Variants in EPHA6 observed in about 807,000 individuals in gnomAD.
EPHA6 encodes the protein ephrin type-A receptor 6.
In EPHA6, 50 loss-of-function variants were observed where a neutral mutation model predicts 112.0. The ratio of observed to expected loss-of-function variants is 0.45; its 90% CI spans 0.36 to 0.56. The LOEUF is 0.56. Among genes scored for constraint, EPHA6 ranks in the 20% least tolerant of loss-of-function variants. The pLI, the probability that EPHA6 is intolerant of heterozygous loss-of-function variation, is 0.00. For synonymous variants in EPHA6, 529 were observed against 490.7 expected, an observed-to-expected ratio of 1.08 and a Z score of -1.03; for missense variants, 1,280 against 1,417.4, an observed-to-expected ratio of 0.90 and a Z score of 1.56.
intron 3 of EPHA6, among the ~76,000 whole-genome samples, chr3:97,155,436 T>C (rs1377411532): frequency 6.6e-6 from 1 of 152,200 alleles, no homozygotes; most frequent in East Asian, 1.9e-4. Context: ...ATAATGAATA[T>C]TGCTAAATAC....
intron 3 of EPHA6, among the ~76,000 whole-genome samples, chr3:97,094,080 A>C (rs2047161533): frequency 6.6e-6 from 1 of 152,140 alleles, no homozygotes; most frequent in Non-Finnish European, 1.5e-5. Flanking sequence ...TACTAGTCAC[A>C]ATATAAGGAG....
intron 5 of EPHA6, among the ~76,000 whole-genome samples, chr3:97,279,517 G>A (rs2080215782): frequency 1.3e-5 from 2 of 151,606 alleles, no homozygotes; most frequent in African/African-American, 4.8e-5. Flanking sequence ...AAAAAAGCAG[G>A]TCAGAGCAAG....
intron 11 of EPHA6, among the ~76,000 whole-genome samples, chr3:97,554,079 T>G (rs1296511806): frequency 6.6e-6 from 1 of 152,192 alleles, no homozygotes; most frequent in African/African-American, 2.4e-5. Context: ...GCCATGGTTG[T>G]GTTGTTCATT....
intron 3 of EPHA6, among the ~76,000 whole-genome samples, chr3:97,176,860 T>C (rs2076850149): frequency 6.6e-6 from 1 of 151,782 alleles, no homozygotes; most frequent in South Asian, 2.1e-4. Flanking sequence ...ATTGATCTTT[T>C]GTATTTTTTT....
rs188175605 is a variant in EPHA6 at position 96,988,680 on chromosome 3, A to C, written c.1114+687A>C. Among the ~76,000 whole-genome samples the C allele has an allele frequency of 8.7e-4, 133 of 152,206 alleles. 1 individual carries two copies. Among genetic ancestry groups the C allele is most frequent in the African/African-American group, 3.0e-3 (126 of 41,550 alleles). ...ATATTGACCTGATCAGAGCTTAATTAATCTTTTGCTATTATTACATAGAAT... is the reference window on the plus strand; with the variant it reads ...ATATTGACCTGATCAGAGCTTAATTCATCTTTTGCTATTATTACATAGAAT... On this transcript the variant is annotated intron_variant, in intron 3 of 17. Transcript: ENST00000389672.
At chr3:96,856,736 A>G (rs931066852) in intron 1 of EPHA6, among the ~76,000 whole-genome samples, 1 of 152,138 alleles carries the variant, frequency 6.6e-6, no homozygotes, top group South Asian at 2.1e-4. Context: ...GGATTTTTAA[A>G]AAGTAAAACA....
In EPHA6 at chr3:97,506,137, T is replaced by C. The variant is rs541937111; in HGVS notation, c.2200+22078T>C. 1.1e-4 allele frequency among the ~76,000 whole-genome samples: 16 copies of C among 152,340 alleles called. No homozygotes were observed. In the South Asian group the frequency reaches 3.1e-3, roughly 30 times the overall value. On this transcript the variant is annotated intron_variant, in intron 10 of 17. Coordinates refer to ENST00000389672, the MANE Select transcript of EPHA6 (RefSeq NM_001080448.3). The stretch of plus-strand genomic sequence containing the variant: ...ATTTTCTCCCATTCCATAGGTTGCC[T>C]GTTCACTCTGATGATAGTTTCTTTG...
chr3:97,232,479 C>T (rs2078557690), intron 4 of EPHA6, among the ~76,000 whole-genome samples: 1 of 152,200 alleles, frequency 6.6e-6, no homozygotes, highest in Non-Finnish European at 1.5e-5. Flanking sequence ...TAATAATATA[C>T]TGAATGCCTA....
intron 11 of EPHA6, among the ~76,000 whole-genome samples, chr3:97,538,066 T>C (rs1263730460): frequency 1.3e-5 from 2 of 152,218 alleles, no homozygotes; most frequent in African/African-American, 4.8e-5. Context: ...TACATACTTT[T>C]GTTTTAAGAA....
chr3:97,413,701 C>G (rs1050949576), intron 6 of EPHA6, among the ~76,000 whole-genome samples: 1 of 151,904 alleles, frequency 6.6e-6, no homozygotes, highest in Admixed American at 6.6e-5. Context: ...CCCTTTGGCA[C>G]GGTGAGTTTG....
chr3:97,153,301 G>A (rs765000234), intron 3 of EPHA6, among the ~76,000 whole-genome samples: 3 of 151,908 alleles, frequency 2.0e-5, no homozygotes, highest in Non-Finnish European at 2.9e-5. Flanking sequence ...GATTAGAAAT[G>A]TAATTCTGGT....
chr3:97,755,969 C>G lies in EPHA6; in HGVS notation c.*7268C>G, dbSNP rs2036015690. On this transcript the variant is annotated 3_prime_UTR_variant, in exon 18 of 18. Transcript: ENST00000389672. ...CCACTGCTTTTATAATTAAAAATCTCTTTCCTACCTTTAGTAATTTGTAGG... is the reference window on the plus strand; with the variant it reads ...CCACTGCTTTTATAATTAAAAATCTGTTTCCTACCTTTAGTAATTTGTAGG... Among the ~76,000 whole-genome samples the G allele has an allele frequency of 6.6e-6, 1 of 152,010 alleles. No individual in the cohort carries two copies. Among genetic ancestry groups the G allele is most frequent in the African/African-American group, 2.4e-5 (1 of 41,446 alleles).
intron 3 of EPHA6, among the ~76,000 whole-genome samples, chr3:97,153,122 A>G (rs62265081): frequency 0.066 from 10,091 of 152,188 alleles, 382 homozygotes; most frequent in Middle Eastern, 0.14. Flanking sequence ...TATATTGTAT[A>G]TATTGTGTAC....
chr3:97,408,417 C>T (rs1246883197), intron 6 of EPHA6, among the ~76,000 whole-genome samples: 1 of 151,950 alleles, frequency 6.6e-6, no homozygotes, highest in African/African-American at 2.4e-5. Context: ...TCTTCTCCTC[C>T]CTACTTTTCC....
At chr3:97,582,050 T>C (rs970895982) in intron 11 of EPHA6, among the ~76,000 whole-genome samples, 3 of 151,950 alleles carry the variant, frequency 2.0e-5, no homozygotes, top group Non-Finnish European at 4.4e-5. Flanking sequence ...TGAGACAGAG[T>C]TTTGCTCTTG....
At chr3:96,879,315 CAA>C (rs1221253228) in intron 2 of EPHA6, among the ~76,000 whole-genome samples, 1 of 151,878 alleles carries the variant, frequency 6.6e-6, no homozygotes, top group Non-Finnish European at 1.5e-5. Flanking sequence ...CATAAACAAA[CAA>C]AAAATAAAAA....
At chr3:97,424,128 C>T (rs943486488) in intron 6 of EPHA6, among the ~76,000 whole-genome samples, 1 of 152,218 alleles carries the variant, frequency 6.6e-6, no homozygotes, top group African/African-American at 2.4e-5. Flanking sequence ...TTATGTCTTA[C>T]ATGGCAGCAG....
chr3:97,372,555 A>G (rs1024565304), intron 5 of EPHA6, among the ~76,000 whole-genome samples: 2 of 152,180 alleles, frequency 1.3e-5, no homozygotes, highest in African/African-American at 4.8e-5. Context: ...CATTTTTTAT[A>G]GGAATATGTA....
chr3:97,744,175 G>A (rs192736429), intron 16 of EPHA6, among the ~76,000 whole-genome samples: 6 of 151,866 alleles, frequency 4.0e-5, no homozygotes, highest in Admixed American at 2.0e-4. Flanking sequence ...TTTTTCTGAG[G>A]AAAAAGTTGA....
Sources: gnomAD v4.1 joint callset for allele counts (sites outside exome capture counted in the v4.1 genomes callset) on GRCh38, gnomAD v4.1.1 for gene constraint, MANE v1.5 for transcripts, NCBI Gene and HGNC (gene_info 2026-07-23, HGNC 2026-07-21) for gene names.